CCR6: variants seen among roughly 807,000 people sequenced by gnomAD.
CCR6 encodes the protein C-C chemokine receptor type 6.
A neutral mutation model predicts 3.0 loss-of-function variants in CCR6; 2 were observed. That is an observed-to-expected ratio of 0.66 (90% CI 0.27 to 2.07). The LOEUF (loss-of-function observed/expected upper bound fraction) is 2.07. Ranked by LOEUF, CCR6 falls within the 30% of genes most tolerant of loss-of-function variation. The pLI, the probability that CCR6 is intolerant of heterozygous loss-of-function variation, is 0.14. For synonymous variants in CCR6, 193 were observed against 184.3 expected (o/e 1.05, Z -0.38); for missense variants, 322 against 462.8 (o/e 0.70, Z 2.79).
intron 1 of CCR6, among the ~76,000 whole-genome samples, chr6:167,130,958 A>C (rs1470510118): frequency 1.2e-3 from 154 of 123,202 alleles, no homozygotes; most frequent in African/African-American, 1.9e-3. Context: ...TCCCTCCGGG[A>C]CTCCTCCCTC....
chr6:167,115,554 G>A (rs1018480281), intron 1 of CCR6: 1 of 152,140 alleles, frequency 6.6e-6, no homozygotes, highest in Non-Finnish European at 1.5e-5. Context: ...CTGACTTGAA[G>A]CAAAATAGTA....
chr6:167,118,649 A>G (rs1781538427), upstream of CCR6, among the ~76,000 whole-genome samples: 1 of 152,012 alleles, frequency 6.6e-6, no homozygotes, highest in Admixed American at 6.6e-5. Flanking sequence ...TTTTCTCTTC[A>G]CATGTATCCC....
chr6:167,136,852 A>T lies in CCR6; in HGVS notation c.622A>T (p.Ile208Phe). 1 of 1,614,202 alleles carries T rather than the reference A, an allele frequency of 6.2e-7. No homozygotes were observed. Among genetic ancestry groups the T allele is most frequent in the South Asian group, 1.1e-5 (1 of 91,088 alleles). ...CAAGTACCAGACTGTCTCGGAGCCC[A>T]TCAGGTGGAAGCTGCTGATGTTGGG... ...EPKYQTVSEP[I>F]RWKLLMLGLE... The change falls in exon 3 of 3, where the codon ATC becomes TTC. Residue 208 changes from isoleucine to phenylalanine, a missense_variant. Transcript: ENST00000341935. This position sits in a 1 kb window ranked among gnomAD's most constrained non-coding sequence, Gnocchi z 4.6.
At chr6:167,135,605 C>G (rs1445234022) in intron 1 of CCR6, among the ~76,000 whole-genome samples, 1 of 152,222 alleles carries the variant, frequency 6.6e-6, no homozygotes, top group Non-Finnish European at 1.5e-5. Context: ...TTTCACACTT[C>G]TATAGATTTT....
chr6:167,126,514 G>A (rs2114922884), intron 1 of CCR6: 1 of 152,396 alleles, frequency 6.6e-6, no homozygotes, highest in South Asian at 2.1e-4. Context: ...CATTCCCTGG[G>A]TCAGGCAATG....
chr6:167,133,724 A>G (rs1385784383), intron 1 of CCR6, among the ~76,000 whole-genome samples: 4 of 151,480 alleles, frequency 2.6e-5, no homozygotes, highest in Non-Finnish European at 5.9e-5. Context: ...TGAATCTTTG[A>G]TAAATTTGAA....
rs1193819766 is a variant in CCR6 at position 167,138,132 on chromosome 6, G to T, written c.*777G>T. ...TCTAAACGTCCATTAAGCTGAGAGT[G>T]CTATGAAGACAGGATCTAGAATAAT... On this transcript the variant is annotated 3_prime_UTR_variant, in exon 3 of 3. Transcript: ENST00000341935. The T allele has an allele frequency of 6.6e-6, 1 of 152,316 alleles. No homozygotes were observed. The highest frequency in any genetic ancestry group is 6.5e-5 in the Admixed American group (1 of 15,276). 9.4% of individuals were successfully genotyped at this position (152,316 alleles called of 1,614,324 possible).
chr6:167,112,359 AT>A (rs1781428918), intron 1 of CCR6, among the ~76,000 whole-genome samples: 2 of 152,188 alleles, frequency 1.3e-5, no homozygotes, highest in South Asian at 4.2e-4. Context: ...TGGGAGGCAG[AT>A]TTTTCTGATC....
In CCR6 at chr6:167,136,674, A is replaced by T; in HGVS notation, c.444A>T (p.Val148=). ...GCATGGACCGGTACATCGCCATTGT[A>T]CAGGCGACTAAGTCATTCCGGCTCC... The part of the protein sequence containing the change: ...CISMDRYIAI[V]QATKSFRLRS... The change falls in exon 3 of 3, where the codon GTA becomes GTT. Residue 148 remains valine (V), a synonymous_variant. Coordinates refer to ENST00000341935, the MANE Select transcript of CCR6 (RefSeq NM_031409.4). The surrounding 1 kb of genome is among the most constrained non-coding windows in gnomAD (Gnocchi z 4.6). 6.2e-7 allele frequency: 1 copy of T among 1,614,134 alleles called. No homozygotes were observed. Among genetic ancestry groups the T allele is most frequent in the South Asian group, 1.1e-5 (1 of 91,084 alleles).
intron 1 of CCR6, among the ~76,000 whole-genome samples, chr6:167,130,976 A>ACCCTCCCTCTGGGCCC (rs1562559603): frequency 4.1e-5 from 5 of 120,686 alleles, no homozygotes; most frequent in East Asian, 5.0e-4. Flanking sequence ...CTCTGGGACC[A>ACCCTCCCTCTGGGCCC]CCCTCCCTCT....
At chr6:167,112,547 C>A (rs1374382601) in intron 1 of CCR6, among the ~76,000 whole-genome samples, 89 of 152,200 alleles carry the variant, frequency 5.8e-4, no homozygotes, top group Admixed American at 5.8e-3. Flanking sequence ...GCAGATCCCA[C>A]AGACCAAAAT....
chr6:167,130,923 A>C lies in CCR6; in HGVS notation c.-97-5115A>C, dbSNP rs1489472935. ...GGTTCCCTCTGGGCCTCCTTCTCTC[A>C]GGGACCCCACCCTCTGGGCCCCCCT... On this transcript the variant is annotated intron_variant, in intron 1 of 2. Coordinates refer to ENST00000341935, the MANE Select transcript of CCR6 (RefSeq NM_031409.4). Among the ~76,000 whole-genome samples, 62 of 109,410 alleles carry C rather than the reference A, an allele frequency of 5.7e-4. 2 individuals are homozygous for C. Among genetic ancestry groups the C allele is most frequent in the African/African-American group, 1.0e-3 (20 of 19,628 alleles). 71.8% of individuals were successfully genotyped at this position (109,410 alleles called of 152,430 possible).
intron 1 of CCR6, among the ~76,000 whole-genome samples, chr6:167,112,558 G>A (rs1023302808): frequency 1.3e-5 from 2 of 152,136 alleles, no homozygotes; most frequent in Non-Finnish European, 2.9e-5. Context: ...AGACCAAAAT[G>A]GAACATGTCT....
chr6:167,137,309 C>T lies in CCR6; in HGVS notation c.1079C>T (p.Thr360Ile). ...GRYSENISRQ[T>I]SETADNDNAS... ...TACTCAGAAAACATTTCTCGGCAGA[C>T]CAGTGAGACCGCAGATAACGACAAT... is the stretch of plus-strand genomic sequence containing the variant. Residue 360 changes from threonine (T) to isoleucine (I), a missense_variant, in exon 3 of 3, where the codon ACC becomes ATC. Thr to Ile is a moderately conservative substitution (Grantham distance 89). Transcript: ENST00000341935. This position sits in a 1 kb window ranked among gnomAD's most constrained non-coding sequence, Gnocchi z 4.6. The T allele has an allele frequency of 6.2e-7, 1 of 1,613,876 alleles. No homozygotes were observed. Among genetic ancestry groups the T allele is most frequent in the Non-Finnish European group, 8.5e-7 (1 of 1,179,972 alleles).
In CCR6 at chr6:167,124,265, G is replaced by GAAAAA. The variant is rs1554281749; in HGVS notation, c.-98+1052_-98+1056dup. Among the ~76,000 whole-genome samples the GAAAAA allele has an allele frequency of 2.4e-4, 33 of 135,670 alleles. 1 individual carries two copies. The highest frequency in any genetic ancestry group is 7.4e-4 in the African/African-American group (27 of 36,668). The allele number at this position is 135,670 out of a possible 152,430, so 89.0% of individuals were successfully genotyped here. On this transcript the variant is annotated intron_variant, in intron 1 of 2. Coordinates refer to ENST00000341935, the MANE Select transcript of CCR6 (RefSeq NM_031409.4). The stretch of plus-strand genomic sequence containing the variant: ...AACTTCCAAAGAAATTAAAGGAACT[G>GAAAAA]AAAAAAAAAAAAAACCAACCCACAG...
upstream of CCR6, chr6:167,120,797 G>A (rs938035078): frequency 3.3e-5 from 5 of 152,204 alleles, no homozygotes; most frequent in African/African-American, 1.2e-4. Flanking sequence ...CTATGCAAAT[G>A]AACAGTGTGA....
At chr6:167,130,986 T>TGGGCCCCCCTCCCTTTG (rs1371941354) in intron 1 of CCR6, among the ~76,000 whole-genome samples, 30 of 104,756 alleles carry the variant, frequency 2.9e-4, no homozygotes, top group African/African-American at 1.1e-3. Flanking sequence ...ACCCTCCCTC[T>TGGGCCCCCCTCCCTTTG]GGACCCCCTC....
Position 167,132,956 on chromosome 6 carries a change from CCT to C in CCR6, c.-97-3081_-97-3080del, listed in dbSNP as rs1312733825. ...GGTGAATTGCCTGTTCACATTTCCC[CCT>C]GTTTCTTATTGTTTATGTTTTTGAT... On this transcript the variant is annotated intron_variant, in intron 1 of 2. Transcript: ENST00000341935. Among the ~76,000 whole-genome samples the C allele has an allele frequency of 4.6e-5, 7 of 152,116 alleles. No homozygotes were observed. The East Asian group carries it at 5.8e-4, about 13-fold the overall frequency.
chr6:167,118,166 A>G (rs984127355), upstream of CCR6, among the ~76,000 whole-genome samples: 12 of 152,112 alleles, frequency 7.9e-5, no homozygotes, highest in African/African-American at 2.4e-5. Context: ...TTATGACTCA[A>G]TAGTGGTAAC....
Sources: allele counts gnomAD v4.1 joint callset (sites outside exome capture counted in the v4.1 genomes callset), GRCh38; gene constraint gnomAD v4.1.1; non-coding constraint Gnocchi (gnomAD v3.1); transcripts MANE v1.5; gene names NCBI Gene and HGNC (gene_info 2026-07-23, HGNC 2026-07-21).